The following PCDH11X variants were observed in gnomAD, a reference collection of about 807,000 sequenced individuals.
PCDH11X encodes the protein protocadherin-11 X-linked.
PCDH11X carries 18 observed loss-of-function variants against 53.3 expected under a neutral mutation model. The observed-to-expected ratio is 0.34, with a 90% CI of 0.23 to 0.50. The LOEUF is 0.50. PCDH11X is among the 20% of genes least tolerant of loss of function. The probability of loss-of-function intolerance (pLI) is 0.98; values close to 1 mark genes in which losing one functional copy is unlikely to be tolerated. For missense variants in PCDH11X, 570 were observed against 1,032.4 expected, an observed-to-expected ratio of 0.55 and a Z score of 6.14; for synonymous variants, 279 against 393.3, an observed-to-expected ratio of 0.71 and a Z score of 3.44.
rs192483461 is a variant in PCDH11X, at chrX:92,277,659, A to C, written c.3144+14516A>C. Among the ~76,000 whole-genome samples, 311 of 108,273 alleles carry C rather than the reference A, an allele frequency of 2.9e-3. 3 individuals carry two copies. Among genetic ancestry groups the C allele is most frequent in the African/African-American group, 9.9e-3 (292 of 29,610 alleles). The allele number at this position is 108,273 out of a possible 115,157, so 94.0% of individuals were successfully genotyped here. Reference sequence around the variant, plus strand: ...TGGAAATAAGGGATGGGGCACAGAAATAAGGGGTCAGGGCATGGAAATAAG... The same window carrying C: ...TGGAAATAAGGGATGGGGCACAGAACTAAGGGGTCAGGGCATGGAAATAAG... On this transcript the variant is annotated intron_variant, in intron 8 of 10. Coordinates refer to ENST00000682573, the MANE Select transcript of PCDH11X (RefSeq NM_032968.5).
intron 8 of PCDH11X, among the ~76,000 whole-genome samples, chrX:92,307,543 G>C (rs1455625804): frequency 9.4e-6 from 1 of 106,158 alleles, no homozygotes; most frequent in Non-Finnish European, 1.9e-5. Flanking sequence ...AACAGGAATA[G>C]GGTGTCTGCT....
intron 6 of PCDH11X, among the ~76,000 whole-genome samples, chrX:91,893,260 G>A (rs1281072257): frequency 9.1e-6 from 1 of 110,418 alleles, no homozygotes; most frequent in African/African-American, 3.3e-5. Context: ...TTTTGTCCAT[G>A]AGTTATACTC....
intron 7 of PCDH11X, among the ~76,000 whole-genome samples, chrX:92,241,161 A>G (rs934880218): frequency 9.0e-6 from 1 of 111,576 alleles, no homozygotes; most frequent in Non-Finnish European, 1.9e-5. Context: ...TGGTCCAAGT[A>G]AATTCCATCA....
rs772777773 is a variant in PCDH11X at position 92,100,758 on chromosome X, G to T, written c.3034-100617G>T. On this transcript the variant is annotated intron_variant, in intron 6 of 10. Transcript: ENST00000682573. ...AAGTGTTGGGACGGTGAAAATTTTTGGGGGGGTGGTATGGAGAGAGAATGG... is the reference window on the plus strand; with the variant it reads ...AAGTGTTGGGACGGTGAAAATTTTTTGGGGGGTGGTATGGAGAGAGAATGG... 4.8e-3 allele frequency among the ~76,000 whole-genome samples: 499 copies of T among 103,250 alleles called. 3 individuals are homozygous for T. Among genetic ancestry groups the T allele is most frequent in the Non-Finnish European group, 7.3e-3 (385 of 52,879 alleles). The allele number at this position is 103,250 out of a possible 115,157, so 89.7% of individuals were successfully genotyped here.
chrX:92,533,859 C>T (rs2074605770), intron 10 of PCDH11X, among the ~76,000 whole-genome samples: 1 of 107,732 alleles, frequency 9.3e-6, no homozygotes, highest in Non-Finnish European at 1.9e-5. Flanking sequence ...GCATCAACAC[C>T]AACGAAAAGG....
At chrX:92,495,072 G>T (rs2073836578) in intron 10 of PCDH11X, among the ~76,000 whole-genome samples, 1 of 101,738 alleles carries the variant, frequency 9.8e-6, no homozygotes, top group Non-Finnish European at 2.0e-5. Flanking sequence ...CCTCTGTATG[G>T]CATACCAGAT....
At chrX:92,481,370 A>C (rs1490928538) in intron 10 of PCDH11X, among the ~76,000 whole-genome samples, 1 of 110,505 alleles carries the variant, frequency 9.0e-6, no homozygotes, top group Non-Finnish European at 1.9e-5. Context: ...CCTCACACAC[A>C]CTCACCAGCA....
chrX:92,519,584 GA>G (rs2074332204), intron 10 of PCDH11X, among the ~76,000 whole-genome samples: 1 of 110,448 alleles, frequency 9.1e-6, no homozygotes, highest in Non-Finnish European at 1.9e-5. Context: ...ATAGGGATTA[GA>G]AAACAGAAAT....
intron 7 of PCDH11X, among the ~76,000 whole-genome samples, chrX:92,257,541 T>G (rs1279412754): frequency 1.8e-5 from 2 of 112,172 alleles, no homozygotes; most frequent in African/African-American, 3.2e-5. Flanking sequence ...AAACACAAGT[T>G]AGTTACTTCC....
chrX:91,955,893 TAA>T (rs1044478677), intron 6 of PCDH11X, among the ~76,000 whole-genome samples: 3 of 110,244 alleles, frequency 2.7e-5, no homozygotes, highest in Non-Finnish European at 5.7e-5. Flanking sequence ...TGTGGGAGGC[TAA>T]GTTTCTTTTT....
intron 10 of PCDH11X, among the ~76,000 whole-genome samples, chrX:92,546,569 C>A (rs750600173): frequency 9.5e-4 from 105 of 110,251 alleles, no homozygotes; most frequent in African/African-American, 3.3e-3. Context: ...TAAGGTCATG[C>A]CAAATTCCCC....
chrX:92,111,913 C>A (rs1226077616), intron 6 of PCDH11X, among the ~76,000 whole-genome samples: 1 of 109,434 alleles, frequency 9.1e-6, no homozygotes, highest in Non-Finnish European at 1.9e-5. Flanking sequence ...CCCGCCACCT[C>A]GCCCGGCTAA....
chrX:92,254,214 A>G lies in PCDH11X; in HGVS notation c.3115-8900A>G, dbSNP rs780301315. Among the ~76,000 whole-genome samples the G allele has an allele frequency of 1.1e-4, 12 of 112,014 alleles. No homozygotes were observed. The East Asian group carries it at 1.4e-3, about 13-fold the overall frequency. On this transcript the variant is annotated intron_variant, in intron 7 of 10. Coordinates refer to ENST00000682573, the MANE Select transcript of PCDH11X (RefSeq NM_032968.5). ...TTTTTGTCTATCGTTCTGTTGATAC[A>G]ATGTATCACATTGATTGGTTTGTGT...
chrX:91,891,425 A>G (rs1453867674), intron 6 of PCDH11X, among the ~76,000 whole-genome samples: 5 of 103,864 alleles, frequency 4.8e-5, no homozygotes, highest in African/African-American at 1.8e-4. Flanking sequence ...GACATCCTAC[A>G]TTCTTCATGG....
At chrX:92,195,113 G>A (rs774216709) in intron 6 of PCDH11X, among the ~76,000 whole-genome samples, 3 of 111,211 alleles carry the variant, frequency 2.7e-5, no homozygotes, top group Non-Finnish European at 5.7e-5. Flanking sequence ...TTATAAGAGC[G>A]ATACAACCAT....
intron 6 of PCDH11X, among the ~76,000 whole-genome samples, chrX:92,023,385 C>T (rs111456463): frequency 9.2e-6 from 1 of 108,821 alleles, no homozygotes; most frequent in Non-Finnish European, 1.9e-5. Context: ...ACTATAAATA[C>T]TTCTATGCAA....
At chrX:92,016,907 C>A (rs1406426467) in intron 6 of PCDH11X, among the ~76,000 whole-genome samples, 3 of 106,555 alleles carry the variant, frequency 2.8e-5, no homozygotes, top group Non-Finnish European at 5.8e-5. Context: ...TAAACTTAAT[C>A]ATTTTTAGCT....
At chrX:92,065,651 G>A (rs1397051257) in intron 6 of PCDH11X, among the ~76,000 whole-genome samples, 3 of 111,454 alleles carry the variant, frequency 2.7e-5, no homozygotes, top group Non-Finnish European at 5.7e-5. Flanking sequence ...GCCATTTCAT[G>A]TTTTCTATTC....
At chrX:91,911,817 A>G (rs1941380102) in intron 6 of PCDH11X, among the ~76,000 whole-genome samples, 1 of 110,332 alleles carries the variant, frequency 9.1e-6, no homozygotes, top group Non-Finnish European at 1.9e-5. Flanking sequence ...CTACTTCTAT[A>G]AAGAATGTCA....
Sources: allele counts gnomAD v4.1 joint callset (sites outside exome capture counted in the v4.1 genomes callset), GRCh38; gene constraint gnomAD v4.1.1; transcripts MANE v1.5; gene names NCBI Gene and HGNC (gene_info 2026-07-23, HGNC 2026-07-21).